The following ANK3 variants were observed in gnomAD, a reference collection of about 807,000 sequenced individuals.
The protein encoded by ANK3 is ankyrin-3.
ANK3 carries 57 observed loss-of-function variants against 370.9 expected under a neutral mutation model. The observed-to-expected ratio is 0.15, with a 90% confidence interval of 0.12 to 0.19. ANK3 has a LOEUF of 0.19. Ranked by LOEUF, ANK3 falls within the 10% of genes least tolerant of loss-of-function variation. ANK3 has a pLI of 1.00. For missense variants in ANK3, 4,439 were observed against 5,302.1 expected, an observed-to-expected ratio of 0.84 and a Z score of 5.06; for synonymous variants, 1,929 against 1,946.3, an observed-to-expected ratio of 0.99 and a Z score of 0.23.
intron 41 of ANK3, among the ~76,000 whole-genome samples, chr10:60,057,063 G>C (rs2079325758): frequency 6.6e-6 from 1 of 152,116 alleles, no homozygotes; most frequent in Non-Finnish European, 1.5e-5. Context: ...ATTCCCCCAA[G>C]TACCCCAAAT....
chr10:60,197,003 GA>G (rs957328372), intron 14 of ANK3, among the ~76,000 whole-genome samples: 8 of 152,118 alleles, frequency 5.3e-5, no homozygotes, highest in African/African-American at 1.9e-4. Context: ...CATATTGTGG[GA>G]AGAATAAGTT....
At chr10:60,149,005 C>T (rs941360044) in intron 23 of ANK3, among the ~76,000 whole-genome samples, 2 of 152,218 alleles carry the variant, frequency 1.3e-5, no homozygotes, top group African/African-American at 4.8e-5. Context: ...AATCACTGTT[C>T]CCAGGTATAA....
upstream of ANK3, among the ~76,000 whole-genome samples, chr10:60,391,522 G>A (rs753451703): frequency 6.6e-5 from 10 of 152,124 alleles, no homozygotes; most frequent in South Asian, 2.1e-4. Context: ...AATATAAATC[G>A]TCTTATACTT....
intron 2 of ANK3, among the ~76,000 whole-genome samples, chr10:60,597,087 T>C (rs2077998067): frequency 6.6e-6 from 1 of 152,128 alleles, no homozygotes; most frequent in Admixed American, 6.6e-5. Flanking sequence ...AGCATTCCCC[T>C]CCACTAAAGC....
Position 60,139,008 on chromosome 10 carries a change from A to T in ANK3, c.2694T>A (p.Pro898=), listed in dbSNP as rs2094460824. ...GACTAAAGCCCATGTAACCCTCTGC[A>T]GGCAGGGAATCATCACCCAATTCCT... ...DLKELGDDSL[P]AEGYMGFSLG... The change falls in exon 24 of 44, where the codon CCT becomes CCA. Residue 898 remains proline, a synonymous_variant. Coordinates refer to ENST00000280772, the MANE Select transcript of ANK3 (RefSeq NM_020987.5). 6.2e-7 allele frequency: 1 copy of T among 1,613,722 alleles called. No individual in the cohort carries two copies. Among genetic ancestry groups the T allele is most frequent in the South Asian group, 1.1e-5 (1 of 91,056 alleles).
At chr10:60,157,447 A>G (rs1376939794) in intron 23 of ANK3, among the ~76,000 whole-genome samples, 1 of 150,644 alleles carries the variant, frequency 6.6e-6, no homozygotes, top group African/African-American at 2.5e-5. Context: ...TGTTTATACC[A>G]CTTAAACACT....
intron 9 of ANK3, among the ~76,000 whole-genome samples, chr10:60,210,732 A>G (rs2096840824): frequency 6.6e-6 from 1 of 152,198 alleles, no homozygotes; most frequent in Admixed American, 6.5e-5. Flanking sequence ...GGGAAGAAAT[A>G]AAAAACCAGA....
chr10:60,082,756 T>C lies in ANK3; in HGVS notation c.4201-19A>G, dbSNP rs759405421. 6.2e-7 allele frequency: 1 copy of C among 1,608,630 alleles called. No individual in the cohort carries two copies. Among genetic ancestry groups the C allele is most frequent in the South Asian group, 1.1e-5 (1 of 89,870 alleles). ...CTCTAATCTAGAAGAATTTTGGTAG[T>C]TGATGGTTATAGAATGAGACTTATC... On this transcript the variant is annotated intron_variant, in intron 33 of 43. Transcript: ENST00000280772.
Position 60,479,803 on chromosome 10 carries a change from T to G in ANK3, c.96+135383A>C, listed in dbSNP as rs1938531. Among the ~76,000 whole-genome samples, 1,516 of 152,288 alleles carry G rather than the reference T, an allele frequency of 1.0e-2. 24 individuals are homozygous for G. The highest frequency in any genetic ancestry group is 0.034 in the African/African-American group (1,422 of 41,566). On this transcript the variant is annotated intron_variant, in intron 2 of 43. Transcript: ENST00000373827. The stretch of plus-strand genomic sequence containing the variant: ...ACACAATCATCTCCATGAAGCCTCA[T>G]ACACAGCCAAAATTAACCTCCAGAA...
chr10:60,376,300 G>A (rs2060763042), intron 1 of ANK3, among the ~76,000 whole-genome samples: 1 of 152,208 alleles, frequency 6.6e-6, no homozygotes, highest in Admixed American at 6.5e-5. Flanking sequence ...TTCCACTAAA[G>A]CTGAAATGGA....
At chr10:60,388,384 G>A (rs906739398) in intron 1 of ANK3, among the ~76,000 whole-genome samples, 11 of 152,148 alleles carry the variant, frequency 7.2e-5, no homozygotes, top group Admixed American at 1.3e-4. Flanking sequence ...GTACATGTGG[G>A]AGATGCAATC....
chr10:60,327,125 A>G (rs186741118), intron 1 of ANK3, among the ~76,000 whole-genome samples: 1 of 152,330 alleles, frequency 6.6e-6, no homozygotes, highest in African/African-American at 2.4e-5. Flanking sequence ...GGATGAAGGC[A>G]TAAAAGGAAG....
At chr10:60,120,866 T>C (rs1019786504) in intron 25 of ANK3, among the ~76,000 whole-genome samples, 8 of 152,154 alleles carry the variant, frequency 5.3e-5, no homozygotes, top group African/African-American at 1.9e-4. Flanking sequence ...TCTTACACTG[T>C]TGGTGGGAAT....
chr10:60,423,627 T>C (rs10761498), intron 2 of ANK3, among the ~76,000 whole-genome samples: 115,484 of 151,824 alleles, frequency 0.76, 43,975 homozygotes, highest in South Asian at 0.92. Context: ...TTGTATATCC[T>C]TATTAAAAAC....
At chr10:60,086,326 A>G (rs1419028154) in intron 30 of ANK3, among the ~76,000 whole-genome samples, 1 of 152,190 alleles carries the variant, frequency 6.6e-6, no homozygotes, top group East Asian at 1.9e-4. Context: ...TGCTAAGTCC[A>G]TTACCTCTGT....
intron 2 of ANK3, among the ~76,000 whole-genome samples, chr10:60,487,096 TAAAAA>T (rs2075368799): frequency 6.6e-6 from 1 of 152,110 alleles, no homozygotes; most frequent in African/African-American, 2.4e-5. Context: ...AAAAGAAACT[TAAAAA>T]GAACCTAATT....
At chr10:60,031,595 T>G (rs2073574385) in intron 43 of ANK3, among the ~76,000 whole-genome samples, 1 of 152,194 alleles carries the variant, frequency 6.6e-6, no homozygotes, top group East Asian at 1.9e-4. Context: ...AGAATAACCC[T>G]GCTCACTCCC....
intron 28 of ANK3, among the ~76,000 whole-genome samples, chr10:60,100,234 GTTTTTTTTT>G (rs3045340): frequency 1.7e-4 from 10 of 57,898 alleles, no homozygotes; most frequent in African/African-American, 6.0e-4. Context: ...TTTTGCTATG[GTTTTTTTTT>G]TTTTTTTTTT....
intron 2 of ANK3, among the ~76,000 whole-genome samples, chr10:60,608,723 A>G (rs2078162600): frequency 1.3e-5 from 2 of 152,234 alleles, no homozygotes; most frequent in African/African-American, 4.8e-5. Flanking sequence ...GATAGTACAC[A>G]GGCTAGATAG....
Sources: allele counts gnomAD v4.1 joint callset (sites outside exome capture counted in the v4.1 genomes callset), GRCh38; gene constraint gnomAD v4.1.1; transcripts MANE v1.5; gene names NCBI Gene and HGNC (gene_info 2026-07-23, HGNC 2026-07-21).